Variants in ZFHX4 observed in about 807,000 individuals in gnomAD.
ZFHX4 encodes the protein zinc finger homeobox 4.
Under a neutral mutation model 267.6 loss-of-function variants are expected in ZFHX4, and 56 were observed. The ratio of observed to expected loss-of-function variants is 0.21; its 90% CI spans 0.17 to 0.26. ZFHX4 has a LOEUF of 0.26. Ranked by LOEUF, ZFHX4 falls within the 10% of genes least tolerant of loss-of-function variation. The pLI is 1.00. For synonymous variants in ZFHX4, 1,778 were observed against 1,665.6 expected, an observed-to-expected ratio of 1.07 and a Z score of -1.64; for missense variants, 4,332 against 4,420.0, an observed-to-expected ratio of 0.98 and a Z score of 0.56.
intron 3 of ZFHX4, among the ~76,000 whole-genome samples, chr8:76,760,369 C>T (rs999937260): frequency 6.6e-6 from 1 of 152,146 alleles, no homozygotes; most frequent in Non-Finnish European, 1.5e-5. Context: ...TATTGAGCAT[C>T]TACAATGTGC....
intron 4 of ZFHX4, among the ~76,000 whole-genome samples, chr8:76,824,030 T>C (rs1811722150): frequency 6.6e-6 from 1 of 152,202 alleles, no homozygotes; most frequent in African/African-American, 2.4e-5. Context: ...CTAGGTGTGA[T>C]AGCAAGAAAG....
chr8:76,787,808 G>A (rs1585945148), intron 4 of ZFHX4, among the ~76,000 whole-genome samples: 2 of 151,758 alleles, frequency 1.3e-5, no homozygotes, highest in African/African-American at 2.4e-5. Context: ...GCAAGACTCT[G>A]CCTCAAAAAA....
chr8:76,864,760 T>C lies in ZFHX4; in HGVS notation c.*195T>C. On this transcript the variant is annotated 3_prime_UTR_variant, in exon 11 of 11. Transcript: ENST00000651372. The stretch of plus-strand genomic sequence containing the variant: ...TAATGGACAGAACTGATGCAGATGG[T>C]TGAATGCGCTTGTACTATATGCTAA... The C allele has an allele frequency of 2.3e-6, 1 of 429,616 alleles. No individual in the cohort carries two copies. The highest frequency in any genetic ancestry group is 4.1e-6 in the Non-Finnish European group (1 of 241,402). 26.6% of individuals were successfully genotyped at this position (429,616 alleles called of 1,614,324 possible).
At chr8:76,730,875 C>T (rs963200670) in intron 3 of ZFHX4, among the ~76,000 whole-genome samples, 2 of 152,038 alleles carry the variant, frequency 1.3e-5, no homozygotes, top group Non-Finnish European at 2.9e-5. Context: ...TTCTATGTAG[C>T]GAGGAATGTT....
intron 8 of ZFHX4, 28 bp downstream of exon 8, chr8:76,849,740 G>A (rs371033075): frequency 1.3e-6 from 2 of 1,584,016 alleles, no homozygotes; most frequent in Non-Finnish European, 1.7e-6. Flanking sequence ...TGATGCATGT[G>A]TGACATAATC....
At chr8:76,686,284 T>G (rs903636608) in intron 1 of ZFHX4, among the ~76,000 whole-genome samples, 2 of 152,194 alleles carry the variant, frequency 1.3e-5, no homozygotes, top group African/African-American at 4.8e-5. Flanking sequence ...TGCAAGCTGT[T>G]TGTTTTTCTT....
intron 1 of ZFHX4, chr8:76,683,400 T>TC (rs966964971): frequency 3.8e-4 from 39 of 103,772 alleles, no homozygotes; most frequent in African/African-American, 7.2e-4. Context: ...CACAACAACA[T>TC]CCCCCCCCAC....
intron 3 of ZFHX4, among the ~76,000 whole-genome samples, chr8:76,771,585 C>G (rs1810265317): frequency 6.6e-6 from 1 of 152,008 alleles, no homozygotes; most frequent in African/African-American, 2.4e-5. Flanking sequence ...ACTACAGGCG[C>G]CTGCCACCAT....
At chr8:76,741,565 C>T (rs1195622393) in intron 3 of ZFHX4, among the ~76,000 whole-genome samples, 1 of 151,992 alleles carries the variant, frequency 6.6e-6, no homozygotes, top group Admixed American at 6.6e-5. Context: ...TTTGTGTGGG[C>T]CAAGACTCAG....
At chr8:76,701,707 A>G (rs1386842765) in intron 1 of ZFHX4, among the ~76,000 whole-genome samples, 1 of 152,210 alleles carries the variant, frequency 6.6e-6, no homozygotes, top group Non-Finnish European at 1.5e-5. Flanking sequence ...GAGTGAAGAT[A>G]GAACTAAATT....
chr8:76,707,771 T>C lies in ZFHX4; in HGVS notation c.2816T>C (p.Ile939Thr), dbSNP rs1191071556. 2 of 1,613,826 alleles carry C rather than the reference T, an allele frequency of 1.2e-6. No individual in the cohort carries two copies. Among genetic ancestry groups the C allele is most frequent in the South Asian group, 1.1e-5 (1 of 91,066 alleles). The change falls in exon 3 of 11, where the codon ATT (isoleucine) becomes ACT (threonine). Residue 939 changes from isoleucine to threonine, a missense_variant. Physicochemically the swap from Ile to Thr is moderately conservative, Grantham distance 89 (BLOSUM62 -1). Transcript: ENST00000651372. ...CCTGAAGAGGAATGGAGGGCAGTAA[T>C]TGGAGATATCTACCAGTGCAAGCTC... ...SLPEEEWRAV[I>T]GDIYQCKLCN...
chr8:76,849,906 C>T, intron 8 of ZFHX4, 194 bp downstream of exon 8: 1 of 624,984 alleles, frequency 1.6e-6, no homozygotes, highest in Non-Finnish European at 2.8e-6. Context: ...TGGTACAAGG[C>T]ATAGCTTAGT....
At chr8:76,856,953 T>C (rs1384733423) in intron 10 of ZFHX4, among the ~76,000 whole-genome samples, 4 of 152,224 alleles carry the variant, frequency 2.6e-5, no homozygotes, top group African/African-American at 4.8e-5. Flanking sequence ...TTAAATAAAT[T>C]CAGCAACCTT....
intron 4 of ZFHX4, among the ~76,000 whole-genome samples, chr8:76,831,606 C>A (rs1190379414): frequency 1.3e-5 from 2 of 152,168 alleles, no homozygotes; most frequent in Admixed American, 1.3e-4. Flanking sequence ...ACTTGAGAAT[C>A]TGTGAAATGA....
rs1808327807 is a variant in ZFHX4, at chr8:76,708,057, T to C, written c.3093+9T>C. The C allele has an allele frequency of 6.2e-7, 1 of 1,612,298 alleles. No individual in the cohort carries two copies. The highest frequency in any genetic ancestry group is 8.5e-7 in the Non-Finnish European group (1 of 1,179,840). On this transcript the variant is annotated intron_variant, in intron 3 of 10. Coordinates refer to ENST00000651372, the MANE Select transcript of ZFHX4 (RefSeq NM_024721.5). Reference sequence around the variant, plus strand: ...CCCTGAAGCTCTACAAGGTAAGCAGTGACATCCATTTCCGTTGGCACAGAG... The same window carrying C: ...CCCTGAAGCTCTACAAGGTAAGCAGCGACATCCATTTCCGTTGGCACAGAG...
rs751543450 is a variant in ZFHX4 at position 76,707,884 on chromosome 8, A to G, written c.2929A>G (p.Ile977Val). ...GCAGAAATATCAACTGGTGGCTCACATTAAAGAAGGGGGCAAAAGCAATGA... is the reference window on the plus strand; with the variant it reads ...GCAGAAATATCAACTGGTGGCTCACGTTAAAGAAGGGGGCAAAAGCAATGA... ...HMQKYQLVAH[I>V]KEGGKSNEWR... Residue 977 changes from isoleucine (I) to valine (V), a missense_variant, in exon 3 of 11, where the codon ATT becomes GTT. Ile to Val is a conservative substitution (Grantham distance 29, BLOSUM62 3). Coordinates refer to ENST00000651372, the MANE Select transcript of ZFHX4 (RefSeq NM_024721.5). 3 of 1,613,984 alleles carry G rather than the reference A, an allele frequency of 1.9e-6. No homozygotes were observed. The East Asian group carries it at 6.7e-5, about 36-fold the overall frequency.
At chr8:76,729,558 T>C (rs1446274002) in intron 3 of ZFHX4, among the ~76,000 whole-genome samples, 2 of 152,178 alleles carry the variant, frequency 1.3e-5, no homozygotes, top group Non-Finnish European at 2.9e-5. Context: ...TTCCAATTAA[T>C]TGGAAAAGTA....
At position 76,852,409 on chromosome 8, in the gene ZFHX4, G is replaced by A. The variant is rs1296680281; in HGVS notation, c.5488G>A (p.Ala1830Thr). The A allele has an allele frequency of 9.0e-6, 14 of 1,555,790 alleles. No homozygotes were observed. The highest frequency in any genetic ancestry group is 1.2e-5 in the Non-Finnish European group (14 of 1,149,172). The change falls in exon 10 of 11, where the codon GCA (alanine) becomes ACA (threonine). Residue 1830 changes from alanine to threonine, a missense_variant. Transcript: ENST00000651372. ...PPPQQQQQQQ[A>T]SKLLKQEQSN... ...TCCACAGCAGCAGCAGCAACAGCAG[G>A]CAAGCAAATTATTGAAACAAGAGCA...
chr8:76,699,833 T>C (rs1373588214), intron 1 of ZFHX4, among the ~76,000 whole-genome samples: 3 of 151,944 alleles, frequency 2.0e-5, no homozygotes, highest in Non-Finnish European at 4.4e-5. Flanking sequence ...AATGTGGCTT[T>C]AGCAACCAAA....
Sources: gnomAD v4.1 joint callset for allele counts (sites outside exome capture counted in the v4.1 genomes callset) on GRCh38, gnomAD v4.1.1 for gene constraint, MANE v1.5 for transcripts, NCBI Gene and HGNC (gene_info 2026-07-23, HGNC 2026-07-21) for gene names.